The following PHACTR3 variants were observed in gnomAD, a reference collection of about 807,000 sequenced individuals.
The protein encoded by PHACTR3 is protein phosphatase 1, regulatory subunit 123.
A neutral mutation model predicts 66.8 loss-of-function variants in PHACTR3; 16 were observed. That is an observed-to-expected ratio of 0.24 (90% CI 0.16 to 0.36). The LOEUF is 0.36. PHACTR3 is among the 10% of genes least tolerant of loss of function. The pLI is 1.00. For synonymous variants in PHACTR3, 323 were observed against 292.1 expected (o/e 1.11, Z -1.08); for missense variants, 647 against 719.9 (o/e 0.90, Z 1.16).
intron 7 of PHACTR3, among the ~76,000 whole-genome samples, chr20:59,785,849 T>TCTGCATCCCCTGCCCTGCATCCCCTTCC (rs146366670): frequency 2.5e-4 from 10 of 40,576 alleles, no homozygotes; most frequent in African/African-American, 4.6e-4. Context: ...CCAGCAGCCC[T>TCTGCATCCCCTGCCCTGCATCCCCTTCC]CTGCATCCCC....
At chr20:59,774,618 A>AG (rs1405896526) in intron 7 of PHACTR3, 128 bp downstream of exon 7, 5 of 1,275,552 alleles carry the variant, frequency 3.9e-6, no homozygotes, top group Admixed American at 2.4e-5. Context: ...GAGAAACAAG[A>AG]GGGGGGCTGT....
intron 1 of PHACTR3, among the ~76,000 whole-genome samples, chr20:59,713,370 A>G (rs6100562): frequency 3.9e-5 from 6 of 152,154 alleles, no homozygotes; most frequent in Non-Finnish European, 8.8e-5. Flanking sequence ...AATTTATTGA[A>G]TATGACCCTC....
chr20:59,661,777 G>T (rs2035813437), intron 1 of PHACTR3, among the ~76,000 whole-genome samples: 1 of 136,096 alleles, frequency 7.3e-6, no homozygotes, highest in Admixed American at 7.3e-5. Context: ...CTCTCGGTGG[G>T]AGTTCTCAGG....
intron 9 of PHACTR3, among the ~76,000 whole-genome samples, chr20:59,840,006 A>G (rs919723634): frequency 2.0e-5 from 3 of 152,128 alleles, no homozygotes; most frequent in African/African-American, 7.2e-5. Context: ...AGCTTTTTTT[A>G]TGTGGCATCT....
intron 1 of PHACTR3, among the ~76,000 whole-genome samples, chr20:59,712,513 C>T (rs1045356326): frequency 3.3e-5 from 5 of 152,150 alleles, no homozygotes; most frequent in Admixed American, 2.0e-4. Context: ...TGCACACTCT[C>T]GAGAGTTCCA....
intron 5 of PHACTR3, among the ~76,000 whole-genome samples, chr20:59,769,728 C>A (rs2040301577): frequency 6.6e-6 from 1 of 152,214 alleles, no homozygotes; most frequent in South Asian, 2.1e-4. Flanking sequence ...TCAGCAAGTG[C>A]AGATGATGGT....
intron 8 of PHACTR3, among the ~76,000 whole-genome samples, chr20:59,834,417 C>T (rs116586602): frequency 0.014 from 2,121 of 152,284 alleles, 60 homozygotes; most frequent in African/African-American, 0.047. Flanking sequence ...CATTCAGAAG[C>T]GAGCTAATGC....
Position 59,833,267 on chromosome 20 carries a change from G to A in PHACTR3, c.1329-3238G>A, listed in dbSNP as rs767873319. ...AGCTAGATGAAGCCCTGCAGTGAGC[G>A]ATTGGACCACTACCAGACTGCCTCT... On this transcript the variant is annotated intron_variant, in intron 8 of 12. Transcript: ENST00000371015. Among the ~76,000 whole-genome samples, 5 of 152,230 alleles carry A rather than the reference G, an allele frequency of 3.3e-5. No individual in the cohort carries two copies. The South Asian group carries it at 6.2e-4, about 19-fold the overall frequency.
intron 1 of PHACTR3, among the ~76,000 whole-genome samples, chr20:59,725,013 G>C (rs1276693035): frequency 6.6e-6 from 1 of 151,610 alleles, no homozygotes; most frequent in East Asian, 2.0e-4. Flanking sequence ...CAGGTATGTT[G>C]AGAGGAGGGT....
intron 8 of PHACTR3, among the ~76,000 whole-genome samples, chr20:59,825,451 T>C (rs1230597843): frequency 1.3e-5 from 2 of 152,344 alleles, no homozygotes; most frequent in South Asian, 2.1e-4. Context: ...CACTCATTCA[T>C]TCATTCAGTC....
chr20:59,840,279 A>G (rs1400387928), intron 9 of PHACTR3, 90 bp from the exon 10 acceptor site: 16 of 1,510,016 alleles, frequency 1.1e-5, no homozygotes, highest in Non-Finnish European at 9.7e-6. Context: ...AGAAATATGG[A>G]TATCTTGGGA....
intron 6 of PHACTR3, 115 bp from the exon 7 acceptor site, chr20:59,774,128 G>A (rs2040447740): frequency 5.9e-6 from 8 of 1,361,000 alleles, no homozygotes; most frequent in Admixed American, 2.4e-5. Context: ...AAACCAAGAG[G>A]TCACATGCAT....
Position 59,847,175 on chromosome 20 carries a change from ACACTG to A in PHACTR3, c.*46_*50del, listed in dbSNP as rs2059165696. The A allele has an allele frequency of 1.4e-6, 2 of 1,414,506 alleles. No individual in the cohort carries two copies. Among genetic ancestry groups the A allele is most frequent in the Admixed American group, 3.4e-5 (2 of 58,308 alleles). The allele number at this position is 1,414,506 out of a possible 1,614,324, so 87.6% of individuals were successfully genotyped here. ...ATTTGTGTTTAATTTTTTGATACCAACACTGAACATTCATCAGGGAACTTTCCTGA... is the reference window on the plus strand; with the variant it reads ...ATTTGTGTTTAATTTTTTGATACCAAAACATTCATCAGGGAACTTTCCTGA... On this transcript the variant is annotated 3_prime_UTR_variant, in exon 13 of 13. Coordinates refer to ENST00000371015, the MANE Select transcript of PHACTR3 (RefSeq NM_080672.5).
chr20:59,840,887 T>A (rs988851343), intron 10 of PHACTR3, among the ~76,000 whole-genome samples: 37 of 152,228 alleles, frequency 2.4e-4, no homozygotes, highest in Admixed American at 2.4e-3. Flanking sequence ...ACAGTTAACA[T>A]TTACTATGGC....
At chr20:59,803,757 A>T (rs1022089555) in intron 7 of PHACTR3, among the ~76,000 whole-genome samples, 5 of 152,216 alleles carry the variant, frequency 3.3e-5, no homozygotes, top group African/African-American at 1.2e-4. Flanking sequence ...ACTTTTATGA[A>T]AAAGTCCGGG....
chr20:59,781,112 A>G (rs1005464393), intron 7 of PHACTR3, among the ~76,000 whole-genome samples: 4 of 152,198 alleles, frequency 2.6e-5, no homozygotes, highest in Admixed American at 1.3e-4. Context: ...TCCTCGGCCA[A>G]TTCATCAGTG....
At chr20:59,697,367 G>A (rs964596490) in intron 1 of PHACTR3, among the ~76,000 whole-genome samples, 26 of 152,142 alleles carry the variant, frequency 1.7e-4, no homozygotes, top group Admixed American at 1.0e-3. Flanking sequence ...ATGACTTTAC[G>A]GAAATAGAAA....
intron 1 of PHACTR3, among the ~76,000 whole-genome samples, chr20:59,694,523 T>C (rs921045917): frequency 6.6e-6 from 1 of 150,500 alleles, no homozygotes. Flanking sequence ...AAAGCCTCGA[T>C]GGAAGAAGGA....
chr20:59,767,195 C>T lies in PHACTR3; in HGVS notation c.551C>T (p.Pro184Leu). 1.2e-6 allele frequency: 2 copies of T among 1,614,236 alleles called. No individual in the cohort carries two copies. Among genetic ancestry groups the T allele is most frequent in the Non-Finnish European group, 1.7e-6 (2 of 1,180,042 alleles). The change falls in exon 5 of 13, where the codon CCT becomes CTT. Residue 184 changes from proline (P) to leucine (L), a missense_variant. Transcript: ENST00000371015. Reference sequence around the variant, plus strand: ...TTTGCCTTTGAACCAGCCAAGATGCCTTCTGCATCCAGTGGTGAAGAAGCA... The same window carrying T: ...TTTGCCTTTGAACCAGCCAAGATGCTTTCTGCATCCAGTGGTGAAGAAGCA... ...AAHLDDAAKMPSASSGEEADA... is the reference protein window; with the variant it reads ...AAHLDDAAKMLSASSGEEADA...
Sources: allele counts gnomAD v4.1 joint callset (sites outside exome capture counted in the v4.1 genomes callset), GRCh38; gene constraint gnomAD v4.1.1; transcripts MANE v1.5; gene names NCBI Gene and HGNC (gene_info 2026-07-23, HGNC 2026-07-21).